Variants in PSD2 observed in about 807,000 individuals in gnomAD.
PSD2 encodes pleckstrin and Sec7 domain containing 2, also known as PH and SEC7 domain-containing protein 2.
A neutral mutation model predicts 69.8 loss-of-function variants in PSD2; 38 were observed. The ratio of observed to expected loss-of-function variants is 0.54; its 90% CI spans 0.42 to 0.71. PSD2 has a LOEUF of 0.71. Among genes scored for constraint, PSD2 ranks in the 30% least tolerant of loss-of-function variants. The probability of loss-of-function intolerance (pLI) is 0.00; values close to 1 mark genes in which losing one functional copy is unlikely to be tolerated. For synonymous variants in PSD2, 412 were observed against 423.0 expected (o/e 0.97, Z 0.32); for missense variants, 943 against 1,014.5 (o/e 0.93, Z 0.96).
rs1760912911 is a variant in PSD2 at position 139,842,924 on chromosome 5, G to A, written c.*450G>A. ...CTCTGAGTTGACCAGCAGCAGGTCTGCCGACCACCAGCACCATCCTCTCCT... is the reference window on the plus strand; with the variant it reads ...CTCTGAGTTGACCAGCAGCAGGTCTACCGACCACCAGCACCATCCTCTCCT... On this transcript the variant is annotated 3_prime_UTR_variant, in exon 15 of 15. Coordinates refer to ENST00000274710, the MANE Select transcript of PSD2 (RefSeq NM_032289.4). 6.2e-6 allele frequency: 1 copy of A among 161,094 alleles called. No individual in the cohort carries two copies. The highest frequency in any genetic ancestry group is 2.4e-5 in the African/African-American group (1 of 41,582). The allele number at this position is 161,094 out of a possible 1,614,324, so 10.0% of individuals were successfully genotyped here. A position where few individuals can be genotyped will look rare whatever the true frequency, so the allele number is the denominator to read the frequency against.
chr5:139,829,292 C>T (rs1485288220), intron 7 of PSD2, among the ~76,000 whole-genome samples: 1 of 152,038 alleles, frequency 6.6e-6, no homozygotes, highest in East Asian at 1.9e-4. Flanking sequence ...CAGTAAGGTG[C>T]CTATATGTGT....
chr5:139,814,451 G>A lies in PSD2; in HGVS notation c.1016+87G>A. ...AGGGTGTGGGTGACCTTCTTCAGGG[G>A]TGCCAGGTGCTGGGGGGGCACTCCC... On this transcript the variant is annotated intron_variant, in intron 4 of 14. Coordinates refer to ENST00000274710, the MANE Select transcript of PSD2 (RefSeq NM_032289.4). The surrounding 1 kb of genome is among the most constrained non-coding windows in gnomAD (Gnocchi z 4.4). 4 of 1,266,736 alleles carry A rather than the reference G, an allele frequency of 3.2e-6. No individual in the cohort carries two copies. The South Asian group carries it at 6.6e-5, about 21-fold the overall frequency. 78.5% of individuals were successfully genotyped at this position (1,266,736 alleles called of 1,614,324 possible).
At chr5:139,795,726 C>G (rs1341778106), upstream of PSD2, 1 of 151,614 alleles carries the variant, frequency 6.6e-6, no homozygotes, top group East Asian at 1.9e-4. The surrounding 1 kb of genome is among the most constrained non-coding windows in gnomAD (Gnocchi z 4.5). Flanking sequence ...CTCGCGCGCC[C>G]GCAGTGCCCC....
upstream of PSD2, among the ~76,000 whole-genome samples, chr5:139,793,741 T>C (rs1229483329): frequency 1.3e-5 from 2 of 152,156 alleles, no homozygotes; most frequent in African/African-American, 4.8e-5. Context: ...AATAGTGCAT[T>C]CCATGAGTAA....
intron 9 of PSD2, among the ~76,000 whole-genome samples, chr5:139,836,594 ATCAGAGG>A (rs966095611): frequency 1.9e-4 from 29 of 152,296 alleles, no homozygotes; most frequent in South Asian, 1.0e-3. Flanking sequence ...AAAATCAAAG[ATCAGAGG>A]TCAGAGGTCA....
chr5:139,815,821 C>T (rs1214846223), intron 4 of PSD2, among the ~76,000 whole-genome samples: 1 of 152,024 alleles, frequency 6.6e-6, no homozygotes, highest in East Asian at 1.9e-4. Context: ...TGGGGAAACC[C>T]TGTCTCTAAC....
rs533888659 is a variant in PSD2 at position 139,813,915 on chromosome 5, T to C, written c.821+157T>C. 5.3e-5 allele frequency among the ~76,000 whole-genome samples: 8 copies of C among 152,326 alleles called. No homozygotes were observed. In the South Asian group the frequency reaches 1.2e-3, roughly 24 times the overall value. On this transcript the variant is annotated intron_variant, in intron 3 of 14. Coordinates refer to ENST00000274710, the MANE Select transcript of PSD2 (RefSeq NM_032289.4). ...CTGCATCCAGGCTTCCCACCCTGTG[T>C]CCTGAGGTTTCATTCTGCTCTTCCA...
chr5:139,747,340 G>C, the PSD2 span, among the ~76,000 whole-genome samples: 2 of 152,074 alleles, frequency 1.3e-5, no homozygotes, highest in Non-Finnish European at 2.9e-5. This position sits in a 1 kb window ranked among gnomAD's most constrained non-coding sequence, Gnocchi z 6.7. Context: ...CAGCAGAGCG[G>C]GGGTGAGAGA....
chr5:139,757,089 C>T, the PSD2 span, among the ~76,000 whole-genome samples: 1 of 152,188 alleles, frequency 6.6e-6, no homozygotes, highest in African/African-American at 2.4e-5. Flanking sequence ...TGGAATCAGG[C>T]CCATAGATTG....
Position 139,814,910 on chromosome 5 carries a change from A to G in PSD2, c.1016+546A>G, listed in dbSNP as rs1004297565. Among the ~76,000 whole-genome samples the G allele has an allele frequency of 6.6e-6, 1 of 152,200 alleles. No individual in the cohort carries two copies. On this transcript the variant is annotated intron_variant, in intron 4 of 14. Transcript: ENST00000274710. This position sits in a 1 kb window ranked among gnomAD's most constrained non-coding sequence, Gnocchi z 4.4. ...GGGACCAGGGGACAGGCGGGATTGC[A>G]GGACCGAGGAAGTCTGCCGGCACAT... is the stretch of plus-strand genomic sequence containing the variant.
chr5:139,777,126 C>G, the PSD2 span, among the ~76,000 whole-genome samples: 1 of 152,188 alleles, frequency 6.6e-6, no homozygotes, highest in Non-Finnish European at 1.5e-5. Flanking sequence ...AGCCTTTTCT[C>G]CAGCTTAAGT....
Position 139,842,789 on chromosome 5 carries a change from T to TAATGATACGGCGACCA in PSD2, c.*315_*316insAATGATACGGCGACCA. 3.5e-6 allele frequency: 1 copy of TAATGATACGGCGACCA among 282,526 alleles called. No individual in the cohort carries two copies. The highest frequency in any genetic ancestry group is 6.7e-6 in the Non-Finnish European group (1 of 149,526). 17.5% of individuals were successfully genotyped at this position (282,526 alleles called of 1,614,324 possible). A position where few individuals can be genotyped will look rare whatever the true frequency, so the allele number is the denominator to read the frequency against. On this transcript the variant is annotated 3_prime_UTR_variant, in exon 15 of 15. Transcript: ENST00000274710. ...GGAGAAGCTGGAAGGGCTGTTGTCT[T>TAATGATACGGCGACCA]CCCAGGTCTTTCTCTTCTCATCAAG... is the stretch of plus-strand genomic sequence containing the variant.
At chr5:139,841,093 C>G (rs72796703) in intron 14 of PSD2, among the ~76,000 whole-genome samples, 1 of 152,170 alleles carries the variant, frequency 6.6e-6, no homozygotes, top group Non-Finnish European at 1.5e-5. Context: ...TACTCTCTGC[C>G]TCTATGATTT....
rs963088743 is a variant in PSD2 at position 139,814,052 on chromosome 5, C to A, written c.822-118C>A. Reference sequence around the variant, plus strand: ...ATTCCCTCCGGCTGCAGTGGAGCTTCTTTCCCTGTTCTGGCCCCTACATGG... The same window carrying A: ...ATTCCCTCCGGCTGCAGTGGAGCTTATTTCCCTGTTCTGGCCCCTACATGG... On this transcript the variant is annotated intron_variant, in intron 3 of 14. Transcript: ENST00000274710. This position sits in a 1 kb window ranked among gnomAD's most constrained non-coding sequence, Gnocchi z 4.4. The A allele has an allele frequency of 3.1e-6, 3 of 968,310 alleles. No homozygotes were observed. The highest frequency in any genetic ancestry group is 4.7e-6 in the Non-Finnish European group (3 of 635,088). The allele number at this position is 968,310 out of a possible 1,614,324, so 60.0% of individuals were successfully genotyped here.
At chr5:139,811,021 T>C (rs1367230980) in intron 2 of PSD2, among the ~76,000 whole-genome samples, 1 of 152,102 alleles carries the variant, frequency 6.6e-6, no homozygotes, top group East Asian at 1.9e-4. Context: ...CAAGCAGGGC[T>C]CTGTCTTGTT....
chr5:139,750,169 C>CA, the PSD2 span, among the ~76,000 whole-genome samples: 140 of 151,882 alleles, frequency 9.2e-4, no homozygotes, highest in African/African-American at 2.8e-3. Flanking sequence ...ACTAAAAATA[C>CA]AAAAAAATTA....
the PSD2 span, among the ~76,000 whole-genome samples, chr5:139,755,556 CTG>C: frequency 2.0e-5 from 3 of 151,866 alleles, no homozygotes; most frequent in African/African-American, 7.3e-5. Flanking sequence ...CTATTTGTCT[CTG>C]TGTGTGTGTA....
Position 139,837,533 on chromosome 5 carries a change from G to A in PSD2, c.1666-92G>A, listed in dbSNP as rs371914472. On this transcript the variant is annotated intron_variant, in intron 11 of 14. Transcript: ENST00000274710. This position sits in a 1 kb window ranked among gnomAD's most constrained non-coding sequence, Gnocchi z 5.0. ...GAGGCAGCAGGAACAGAAAATTAAG[G>A]GAGCCGTAGGGTTAGACAGAGAGCA... 1.5e-5 allele frequency: 20 copies of A among 1,338,946 alleles called. No homozygotes were observed. The East Asian group carries it at 3.0e-4, about 20-fold the overall frequency. The allele number at this position is 1,338,946 out of a possible 1,614,324, so 82.9% of individuals were successfully genotyped here.
chr5:139,783,264 C>T, the PSD2 span, among the ~76,000 whole-genome samples: 2 of 151,894 alleles, frequency 1.3e-5, no homozygotes, highest in South Asian at 2.1e-4. Flanking sequence ...GTAAGACCCT[C>T]GTCTCTACAA....
Sources: allele counts gnomAD v4.1 joint callset (sites outside exome capture counted in the v4.1 genomes callset), GRCh38; gene constraint gnomAD v4.1.1; non-coding constraint Gnocchi (gnomAD v3.1); transcripts MANE v1.5; gene names NCBI Gene and HGNC (gene_info 2026-07-23, HGNC 2026-07-21).